UPF3B: variants seen among roughly 807,000 people sequenced by gnomAD.
The protein encoded by UPF3B is regulator of nonsense transcripts 3B.
A neutral mutation model predicts 40.3 loss-of-function variants in UPF3B; 7 were observed. The observed-to-expected ratio is 0.17, with a 90% confidence interval of 0.10 to 0.33. UPF3B has a LOEUF of 0.33. UPF3B is among the 10% of genes least tolerant of loss of function. The probability of loss-of-function intolerance (pLI) is 1.00; values close to 1 mark genes in which losing one functional copy is unlikely to be tolerated. For synonymous variants in UPF3B, 117 were observed against 117.3 expected (o/e 1.00, Z 0.01); for missense variants, 229 against 358.9 (o/e 0.64, Z 2.93).
chrX:119,834,571 T>C lies in UPF3B; in HGVS notation c.*307A>G, dbSNP rs1201848104. 7 of 966,200 alleles carry C rather than the reference T, an allele frequency of 7.2e-6. No homozygotes were observed. The African/African-American group carries it at 1.4e-4, about 19-fold the overall frequency. The allele number at this position is 966,200 out of a possible 1,213,427, so 79.6% of individuals were successfully genotyped here. A position where few individuals can be genotyped will look rare whatever the true frequency, so the allele number is the denominator to read the frequency against. ...AACCAGCTCTTACTTTTCTCTCGTG[T>C]CATATGTGATGAAGTCCTCACTTGA... On this transcript the variant is annotated 3_prime_UTR_variant, in exon 11 of 11. Coordinates refer to ENST00000276201, the MANE Select transcript of UPF3B (RefSeq NM_080632.3).
Position 119,837,977 on chromosome X carries a change from C to T in UPF3B, c.1082G>A (p.Arg361Gln), listed in dbSNP as rs773491980. The T allele has an allele frequency of 5.8e-6, 7 of 1,208,957 alleles. No individual in the cohort carries two copies. The highest frequency in any genetic ancestry group is 3.5e-5 in the African/African-American group (2 of 56,936). ...TTGCCGCTTCAGCCTCTCTCTTTCT[C>T]GAAGTATGCGCTCCTGATCTCGTTC... The part of the protein sequence containing the change: ...EYERDQERIL[R>Q]ERERLKRQEE... The change falls in exon 10 of 11, where the codon CGA (arginine) becomes CAA (glutamine). Residue 361 changes from arginine (R) to glutamine (Q), a missense_variant. Arg to Gln is a conservative substitution (Grantham distance 43). Transcript: ENST00000276201.
intron 5 of UPF3B, among the ~76,000 whole-genome samples, chrX:119,810,822 TC>T (rs1368882530): frequency 9.0e-6 from 1 of 111,119 alleles, no homozygotes; most frequent in Non-Finnish European, 1.9e-5. Context: ...CCATTTTTTT[TC>T]CAGTTAATAA....
intron 3 of UPF3B, chrX:119,823,167 G>A: frequency 5.1e-6 from 1 of 195,678 alleles, no homozygotes; most frequent in Non-Finnish European, 7.8e-6. Context: ...AAATATATGA[G>A]GGCATGGTAA....
At chrX:119,836,342 G>A (rs967120898) in intron 10 of UPF3B, among the ~76,000 whole-genome samples, 5 of 111,445 alleles carry the variant, frequency 4.5e-5, no homozygotes, top group Non-Finnish European at 1.9e-5. Context: ...ATGACAGAGC[G>A]AGACTCCATC....
chrX:119,818,747 C>A (rs1238646051), intron 4 of UPF3B, among the ~76,000 whole-genome samples: 2 of 112,050 alleles, frequency 1.8e-5, no homozygotes, highest in African/African-American at 6.5e-5. Context: ...CAAGTGAGAT[C>A]TATTACGTTG....
At chrX:119,818,699 C>T (rs749859703) in intron 4 of UPF3B, among the ~76,000 whole-genome samples, 108 of 112,446 alleles carry the variant, frequency 9.6e-4, no homozygotes, top group Non-Finnish European at 1.9e-3. Flanking sequence ...ACCAGATCAG[C>T]TGCAGACAAG....
chrX:119,817,761 T>C (rs966095868), intron 4 of UPF3B, among the ~76,000 whole-genome samples: 6 of 111,482 alleles, frequency 5.4e-5, no homozygotes, highest in African/African-American at 2.0e-4. Context: ...CAGCGAAAAA[T>C]GGATTCTGCT....
chrX:119,847,883 A>C (rs1399512995), intron 3 of UPF3B, among the ~76,000 whole-genome samples: 2 of 111,982 alleles, frequency 1.8e-5, no homozygotes, highest in African/African-American at 6.5e-5. Context: ...CTGTGTTCAT[A>C]ACAATATTGT....
intron 4 of UPF3B, among the ~76,000 whole-genome samples, chrX:119,816,327 C>G (rs937781648): frequency 1.8e-5 from 2 of 111,410 alleles, no homozygotes; most frequent in African/African-American, 6.5e-5. Flanking sequence ...AAGAGGCTCC[C>G]ACAACACCCT....
Position 119,845,194 on chromosome X carries a change from G to A in UPF3B, c.469+4C>T. 2.5e-6 allele frequency: 3 copies of A among 1,187,404 alleles called. No homozygotes were observed. Among genetic ancestry groups the A allele is most frequent in the Non-Finnish European group, 3.4e-6 (3 of 873,789 alleles). ...AGCATTATATAATTAGAGCTATACT[G>A]TACCATCATCGATAGTCCCGACTTT... On this transcript the variant is annotated splice_donor_region_variant and intron_variant, in intron 4 of 10. Coordinates refer to ENST00000276201, the MANE Select transcript of UPF3B (RefSeq NM_080632.3).
intron 3 of UPF3B, 102 bp from the exon 4 acceptor site, chrX:119,845,398 T>C: frequency 3.0e-6 from 2 of 671,616 alleles, no homozygotes; most frequent in Non-Finnish European, 4.7e-6. Flanking sequence ...TTGATGGCAG[T>C]CATCTGAAGA....
At chrX:119,849,179 G>A (rs964584372) in intron 3 of UPF3B, among the ~76,000 whole-genome samples, 3 of 111,811 alleles carry the variant, frequency 2.7e-5, no homozygotes, top group East Asian at 5.6e-4. Flanking sequence ...AGTGAGTAGA[G>A]AATCAGATTA....
At chrX:119,823,283 T>C (rs778457168) in intron 3 of UPF3B, among the ~76,000 whole-genome samples, 3 of 111,796 alleles carry the variant, frequency 2.7e-5, no homozygotes, top group African/African-American at 9.7e-5. Context: ...AGACAGGGTC[T>C]CACTGTGTCA....
At chrX:119,821,797 C>CAAA (rs759266262) in intron 4 of UPF3B, among the ~76,000 whole-genome samples, 1 of 90,743 alleles carries the variant, frequency 1.1e-5, no homozygotes, top group African/African-American at 4.0e-5. Flanking sequence ...AACTCTGTCT[C>CAAA]AAAAAAAAAA....
intron 5 of UPF3B, among the ~76,000 whole-genome samples, chrX:119,811,813 A>G (rs1460999826): frequency 1.8e-5 from 2 of 111,222 alleles, no homozygotes; most frequent in East Asian, 5.7e-4. Flanking sequence ...TTAGCTGGGC[A>G]TGGTGGCCTA....
chrX:119,807,105 A>G (rs1052284867), intron 6 of UPF3B, among the ~76,000 whole-genome samples: 1 of 110,276 alleles, frequency 9.1e-6, no homozygotes, highest in African/African-American at 3.3e-5. Flanking sequence ...TTGATTTTAG[A>G]ACCAGCTCTT....
chrX:119,834,253 T>C lies in UPF3B; in HGVS notation c.*625A>G. 1 of 754,732 alleles carries C rather than the reference T, an allele frequency of 1.3e-6. No homozygotes were observed. The highest frequency in any genetic ancestry group is 1.6e-6 in the Non-Finnish European group (1 of 639,400). 62.2% of individuals were successfully genotyped at this position (754,732 alleles called of 1,213,427 possible). On this transcript the variant is annotated 3_prime_UTR_variant, in exon 11 of 11. Transcript: ENST00000276201. ...TGACAAAACACGAAGTTTAAAAATA[T>C]TCTTTACGCTAAGCTCATATAAGCA...
chrX:119,808,335 T>C (rs1285803528), intron 5 of UPF3B, among the ~76,000 whole-genome samples: 1 of 105,769 alleles, frequency 9.5e-6, no homozygotes, highest in Non-Finnish European at 2.0e-5. Context: ...TAAAAATTGC[T>C]TCGCAGGAGG....
At chrX:119,809,031 G>A (rs771039421) in intron 5 of UPF3B, among the ~76,000 whole-genome samples, 3 of 112,288 alleles carry the variant, frequency 2.7e-5, no homozygotes, top group East Asian at 2.8e-4. Flanking sequence ...AGAAATACCC[G>A]AGACTGGGTA....
Sources: gnomAD v4.1 joint callset for allele counts (sites outside exome capture counted in the v4.1 genomes callset) on GRCh38, gnomAD v4.1.1 for gene constraint, MANE v1.5 for transcripts, NCBI Gene and HGNC (gene_info 2026-07-23, HGNC 2026-07-21) for gene names.